Variants in UBE2J1 observed in about 807,000 individuals in gnomAD.
UBE2J1 encodes the protein ubiquitin-conjugating enzyme E2 J1.
A neutral mutation model predicts 42.1 loss-of-function variants in UBE2J1; 17 were observed. The ratio of observed to expected loss-of-function variants is 0.40; its 90% CI spans 0.28 to 0.61. The LOEUF is 0.61. Ranked by LOEUF, UBE2J1 falls within the 20% of genes least tolerant of loss-of-function variation. The probability of loss-of-function intolerance (pLI) is 0.38; values close to 1 mark genes in which losing one functional copy is unlikely to be tolerated. For synonymous variants in UBE2J1, 127 were observed against 137.2 expected (o/e 0.93, Z 0.52); for missense variants, 291 against 389.4 (o/e 0.75, Z 2.13).
rs1055118525 is a variant in UBE2J1 at position 89,327,069 on chromosome 6, A to AT, written c.*2609dup. 8.5e-5 allele frequency: 13 copies of AT among 152,756 alleles called. No individual in the cohort carries two copies. The highest frequency in any genetic ancestry group is 2.9e-4 in the African/African-American group (12 of 41,574). 9.5% of individuals were successfully genotyped at this position (152,756 alleles called of 1,614,324 possible). On this transcript the variant is annotated 3_prime_UTR_variant, in exon 8 of 8. Coordinates refer to ENST00000435041, the MANE Select transcript of UBE2J1 (RefSeq NM_016021.3). ...AAAAAAGTTGAGAATCTTGAAATTC[A>AT]TTTTTTTCAGTAGAATAAAACAATA... is the stretch of plus-strand genomic sequence containing the variant.
At chr6:89,330,091 T>A in intron 7 of UBE2J1, 134 bp from the exon 8 acceptor site, 1 of 878,344 alleles carries the variant, frequency 1.1e-6, no homozygotes, top group Non-Finnish European at 1.7e-6. Context: ...TGATTGTTAC[T>A]AATAATACAT....
chr6:89,349,061 C>A (rs1044092263), intron 1 of UBE2J1, among the ~76,000 whole-genome samples: 2 of 152,106 alleles, frequency 1.3e-5, no homozygotes, highest in African/African-American at 4.8e-5. Context: ...CATGGTGAAA[C>A]CCTCGTCTCT....
At chr6:89,336,473 A>T (rs868622792) in intron 5 of UBE2J1, among the ~76,000 whole-genome samples, 138 of 48,784 alleles carry the variant, frequency 2.8e-3, no homozygotes, top group South Asian at 0.01. Flanking sequence ...ATTTTATTTT[A>T]TTTTTTTTTT....
chr6:89,342,481 G>T, intron 2 of UBE2J1, 26 bp from the exon 3 acceptor site: 1 of 1,553,400 alleles, frequency 6.4e-7, no homozygotes, highest in South Asian at 1.2e-5. Flanking sequence ...AATCCACAAG[G>T]AATTAATAAT....
intron 7 of UBE2J1, 129 bp downstream of exon 7, chr6:89,332,957 C>T (rs1225050904): frequency 4.5e-6 from 3 of 671,906 alleles, no homozygotes; most frequent in Non-Finnish European, 6.8e-6. Flanking sequence ...ATTAGCGGGA[C>T]TGATGAGTTA....
intron 5 of UBE2J1, 73 bp downstream of exon 5, chr6:89,338,132 T>TA: frequency 1.0e-6 from 1 of 983,270 alleles, no homozygotes; most frequent in Non-Finnish European, 1.5e-6. Flanking sequence ...TAGTAAGAGG[T>TA]AGGCCCTACC....
chr6:89,338,879 A>G lies in UBE2J1; in HGVS notation c.238-336T>C, dbSNP rs759741744. Among the ~76,000 whole-genome samples the G allele has an allele frequency of 5.3e-5, 8 of 151,840 alleles. No individual in the cohort carries two copies. In the East Asian group the frequency reaches 7.8e-4, roughly 15 times the overall value. On this transcript the variant is annotated intron_variant, in intron 3 of 7. Transcript: ENST00000435041. ...ACGGGGTTTCACCGTGTTAGCCAGG[A>G]TGGTCTCGATATCCTGACCTTGTGA...
In UBE2J1 at chr6:89,329,659, T is replaced by A; in HGVS notation, c.*20A>T. 1 of 1,613,264 alleles carries A rather than the reference T, an allele frequency of 6.2e-7. No homozygotes were observed. Among genetic ancestry groups the A allele is most frequent in the Non-Finnish European group, 8.5e-7 (1 of 1,179,534 alleles). On this transcript the variant is annotated 3_prime_UTR_variant, in exon 8 of 8. Coordinates refer to ENST00000435041, the MANE Select transcript of UBE2J1 (RefSeq NM_016021.3). ...TTTAATGAAGCAGTTGAGTCACAGC[T>A]CATAAGTCACAAAACCATATTATAA... is the stretch of plus-strand genomic sequence containing the variant.
rs745332691 is a variant in UBE2J1, at chr6:89,332,043, A to C, written c.678+1043T>G. Reference sequence around the variant, plus strand: ...CTACCACCCTGTTCTTCTTCAACCAACTTTTCTCTGCCCAGCTCACTCTCT... The same window carrying C: ...CTACCACCCTGTTCTTCTTCAACCACCTTTTCTCTGCCCAGCTCACTCTCT... On this transcript the variant is annotated intron_variant, in intron 7 of 7. Coordinates refer to ENST00000435041, the MANE Select transcript of UBE2J1 (RefSeq NM_016021.3). Among the ~76,000 whole-genome samples, 5 of 152,052 alleles carry C rather than the reference A, an allele frequency of 3.3e-5. No individual in the cohort carries two copies. The East Asian group carries it at 7.7e-4, about 23-fold the overall frequency.
rs530603743 is a variant in UBE2J1 at position 89,335,844 on chromosome 6, T to C, written c.429-413A>G. On this transcript the variant is annotated intron_variant, in intron 5 of 7. Transcript: ENST00000435041. The stretch of plus-strand genomic sequence containing the variant: ...AAGCAGTAAAGAAACTAATTAAACA[T>C]AGAATTTACAGATATTTCTAGGGAA... 2.3e-3 allele frequency among the ~76,000 whole-genome samples: 349 copies of C among 151,760 alleles called. 1 individual carries two copies. Among genetic ancestry groups the C allele is most frequent in the African/African-American group, 8.1e-3 (335 of 41,246 alleles).
At position 89,329,308 on chromosome 6, in the gene UBE2J1, A is replaced by G; in HGVS notation, c.*371T>C. ...AGAAACAGAGTACTCAATAAGTGGT[A>G]TTGAGTAACTAGTAATACTCATTGG... On this transcript the variant is annotated 3_prime_UTR_variant, in exon 8 of 8. Coordinates refer to ENST00000435041, the MANE Select transcript of UBE2J1 (RefSeq NM_016021.3). The G allele has an allele frequency of 7.7e-6, 2 of 258,848 alleles. No individual in the cohort carries two copies. The highest frequency in any genetic ancestry group is 1.5e-5 in the Non-Finnish European group (2 of 134,334). 16.0% of individuals were successfully genotyped at this position (258,848 alleles called of 1,614,324 possible). A position where few individuals can be genotyped will look rare whatever the true frequency, so the allele number is the denominator to read the frequency against.
At chr6:89,333,872 A>C (rs116596697) in intron 6 of UBE2J1, among the ~76,000 whole-genome samples, 3,002 of 152,360 alleles carry the variant, frequency 0.02, 103 homozygotes, top group African/African-American at 0.067. Flanking sequence ...CAGACAGTCC[A>C]TAGAGAAGTG....
intron 2 of UBE2J1, 46 bp downstream of exon 2, chr6:89,343,637 T>G (rs775072191): frequency 4.7e-6 from 7 of 1,474,128 alleles, no homozygotes; most frequent in African/African-American, 1.4e-5. Flanking sequence ...AAAAATTTGT[T>G]TTAAATATTA....
intron 1 of UBE2J1, among the ~76,000 whole-genome samples, chr6:89,344,433 C>T (rs73506046): frequency 0.011 from 1,619 of 152,300 alleles, 30 homozygotes; most frequent in African/African-American, 0.037. Context: ...GACCCCACAA[C>T]TTTCTTCACC....
Position 89,329,763 on chromosome 6 carries a change from A to C in UBE2J1, c.873T>G (p.Ile291Met). ...HTDHGGSAVL[I>M]VILTLALAAL... ...CTGCCAATGCCAAAGTCAGGATGAC[A>C]ATCAGTACAGCTGACCCACCATGAT... is the stretch of plus-strand genomic sequence containing the variant. Residue 291 changes from isoleucine (I) to methionine (M), a missense_variant, in exon 8 of 8, where the codon ATT (isoleucine) becomes ATG (methionine). Ile to Met is a conservative substitution (Grantham distance 10, BLOSUM62 1). Around this residue, in one of 2 missense-constraint regions of UBE2J1, gnomAD observed 176 missense variants for 196.3 expected, o/e 0.90. Coordinates refer to ENST00000435041, the MANE Select transcript of UBE2J1 (RefSeq NM_016021.3). 6.2e-7 allele frequency: 1 copy of C among 1,614,144 alleles called. No homozygotes were observed. The highest frequency in any genetic ancestry group is 1.1e-5 in the South Asian group (1 of 91,088).
chr6:89,329,980 G>T, intron 7 of UBE2J1, 23 bp from the exon 8 acceptor site: 2 of 1,610,026 alleles, frequency 1.2e-6, no homozygotes, highest in Non-Finnish European at 1.7e-6. Context: ...AAGAAACTTT[G>T]TTTGAAACTG....
At chr6:89,352,345 G>C (rs1276903124) in intron 1 of UBE2J1, among the ~76,000 whole-genome samples, 194 bp downstream of exon 1, 1 of 152,118 alleles carries the variant, frequency 6.6e-6, no homozygotes, top group Non-Finnish European at 1.5e-5. Flanking sequence ...CCGGCCGGGG[G>C]ATTGGCAGCG....
intron 1 of UBE2J1, among the ~76,000 whole-genome samples, chr6:89,347,178 G>A (rs933150490): frequency 5.9e-5 from 9 of 152,170 alleles, no homozygotes; most frequent in Non-Finnish European, 1.2e-4. Flanking sequence ...TCTACTCCCT[G>A]TCCTTCCATT....
chr6:89,331,013 C>G (rs1017382440), intron 7 of UBE2J1, among the ~76,000 whole-genome samples: 4 of 152,142 alleles, frequency 2.6e-5, no homozygotes, highest in African/African-American at 9.7e-5. Context: ...TTTCCCATTG[C>G]TTTTTGATGC....
Sources: allele counts gnomAD v4.1 joint callset (sites outside exome capture counted in the v4.1 genomes callset), GRCh38; gene constraint gnomAD v4.1.1; regional missense constraint gnomAD v4.1.1; transcripts MANE v1.5; gene names NCBI Gene and HGNC (gene_info 2026-07-23, HGNC 2026-07-21).